The following MYH10 variants were observed in gnomAD, a reference collection of about 807,000 sequenced individuals.
MYH10 encodes the protein myosin-10.
Under a neutral mutation model 257.8 loss-of-function variants are expected in MYH10, and 55 were observed. The ratio of observed to expected loss-of-function variants is 0.21; its 90% CI spans 0.17 to 0.27. The LOEUF is 0.27. MYH10 is among the 10% of genes least tolerant of loss of function. MYH10 has a pLI of 1.00. For synonymous variants in MYH10, 854 were observed against 921.7 expected, an observed-to-expected ratio of 0.93 and a Z score of 1.33; for missense variants, 1,631 against 2,500.6, an observed-to-expected ratio of 0.65 and a Z score of 7.42.
Position 8,577,247 on chromosome 17 carries a change from G to A in MYH10, c.622C>T (p.His208Tyr), listed in dbSNP as rs2083531995. The change falls in exon 5 of 43, where the codon CAT becomes TAT. Residue 208 changes from histidine to tyrosine, a missense_variant. Transcript: ENST00000360416. ...VASSHKGRKD[H>Y]NIPQESPKPV... ...GAGCAGAAACTTACAGGAATATTAT[G>A]GTCCTTTCTTCCTTTATGTGAAGAA... 2.5e-6 allele frequency: 4 copies of A among 1,605,496 alleles called. No individual in the cohort carries two copies. Among genetic ancestry groups the A allele is most frequent in the Non-Finnish European group, 3.4e-6 (4 of 1,173,528 alleles).
intron 7 of MYH10, among the ~76,000 whole-genome samples, chr17:8,567,734 G>A (rs2083208542): frequency 6.6e-6 from 1 of 152,128 alleles, no homozygotes. Context: ...GAATCAGCAA[G>A]AGAACTAACA....
At chr17:8,556,912 A>G (rs552385049) in intron 7 of MYH10, among the ~76,000 whole-genome samples, 1 of 152,344 alleles carries the variant, frequency 6.6e-6, no homozygotes, top group African/African-American at 2.4e-5. Flanking sequence ...ATTCTATAAC[A>G]TAATAATAAT....
rs1347075795 is a variant in MYH10, at chr17:8,546,899, A to G, written c.1160-237T>C. ...TAGTCAGCATTTGACTGCCTTGCCTATTTATTCATTTTTTTAGAGGCAGGT... is the reference window on the plus strand; with the variant it reads ...TAGTCAGCATTTGACTGCCTTGCCTGTTTATTCATTTTTTTAGAGGCAGGT... On this transcript the variant is annotated intron_variant, in intron 11 of 42. Coordinates refer to ENST00000360416, the MANE Select transcript of MYH10 (RefSeq NM_001256012.3). Among the ~76,000 whole-genome samples, 3 of 152,096 alleles carry G rather than the reference A, an allele frequency of 2.0e-5. 1 individual carries two copies. Among genetic ancestry groups the G allele is most frequent in the Non-Finnish European group, 4.4e-5 (3 of 68,026 alleles).
At position 8,552,910 on chromosome 17, in the gene MYH10, G is replaced by A. The variant is rs1232568930; in HGVS notation, c.821-766C>T. ...ATTTCAGACCACTGCACACCCAGCTGTGTATCTTATCTGGGGCTCAGATCC... is the reference window on the plus strand; with the variant it reads ...ATTTCAGACCACTGCACACCCAGCTATGTATCTTATCTGGGGCTCAGATCC... On this transcript the variant is annotated intron_variant, in intron 8 of 42. Coordinates refer to ENST00000360416, the MANE Select transcript of MYH10 (RefSeq NM_001256012.3). The surrounding 1 kb of genome is among the most constrained non-coding windows in gnomAD (Gnocchi z 4.8). 6.6e-6 allele frequency among the ~76,000 whole-genome samples: 1 copy of A among 152,212 alleles called. No homozygotes were observed. Among genetic ancestry groups the A allele is most frequent in the East Asian group, 1.9e-4 (1 of 5,198 alleles).
chr17:8,576,759 G>A, intron 5 of MYH10, 87 bp from the exon 6 acceptor site: 1 of 1,309,802 alleles, frequency 7.6e-7, no homozygotes, highest in Non-Finnish European at 1.1e-6. Context: ...CCAAGCCAAT[G>A]TGCAGTTGAG....
chr17:8,569,445 A>C lies in MYH10; in HGVS notation c.756+275T>G, dbSNP rs941795021. On this transcript the variant is annotated intron_variant, in intron 7 of 42. Coordinates refer to ENST00000360416, the MANE Select transcript of MYH10 (RefSeq NM_001256012.3). This position sits in a 1 kb window ranked among gnomAD's most constrained non-coding sequence, Gnocchi z 4.1. ...TATCATGCCCAATCAAAGATAAATA[A>C]GCTCAGAGAGGTTAAATTACATATC... Among the ~76,000 whole-genome samples the C allele has an allele frequency of 6.6e-6, 1 of 152,214 alleles. No individual in the cohort carries two copies. Among genetic ancestry groups the C allele is most frequent in the South Asian group, 2.1e-4 (1 of 4,834 alleles).
chr17:8,624,926 A>C (rs1415528435), intron 1 of MYH10, among the ~76,000 whole-genome samples: 2 of 152,100 alleles, frequency 1.3e-5, no homozygotes, highest in African/African-American at 2.4e-5. Flanking sequence ...GTGTTGGTGC[A>C]TATCTAGCCC....
intron 3 of MYH10, among the ~76,000 whole-genome samples, chr17:8,602,676 A>G (rs766908320): frequency 2.6e-5 from 4 of 152,206 alleles, no homozygotes; most frequent in Admixed American, 6.5e-5. Context: ...TCATCAACTA[A>G]TTCCTTTTAA....
At chr17:8,509,762 T>C (rs888333030) in intron 25 of MYH10, 50 bp downstream of exon 25, 1 of 1,535,774 alleles carries the variant, frequency 6.5e-7, no homozygotes, top group Non-Finnish European at 8.8e-7. Context: ...TAATATTATA[T>C]AAATATTTTC....
At chr17:8,500,346 T>C (rs1162946937) in intron 29 of MYH10, among the ~76,000 whole-genome samples, 3 of 152,040 alleles carry the variant, frequency 2.0e-5, no homozygotes, top group Non-Finnish European at 4.4e-5. Context: ...GTGTCTGAGA[T>C]ACAGAAGCGG....
intron 2 of MYH10, among the ~76,000 whole-genome samples, chr17:8,613,833 G>A (rs532478329): frequency 1.4e-4 from 22 of 151,906 alleles, no homozygotes; most frequent in African/African-American, 5.3e-4. Context: ...TATTTTAAAG[G>A]CACAGGCACA....
Position 8,614,052 on chromosome 17 carries a change from C to T in MYH10, c.345+8850G>A, listed in dbSNP as rs1220547909. ...CGTGATAATAGCTTCAGCATGTACA[C>T]AGCAAAAATGGACAGAACTAAAAAG... On this transcript the variant is annotated intron_variant, in intron 2 of 42. Coordinates refer to ENST00000360416, the MANE Select transcript of MYH10 (RefSeq NM_001256012.3). 2.6e-5 allele frequency among the ~76,000 whole-genome samples: 4 copies of T among 152,184 alleles called. No homozygotes were observed. The South Asian group carries it at 8.3e-4, about 32-fold the overall frequency.
chr17:8,531,787 C>T (rs1298271672), intron 16 of MYH10, among the ~76,000 whole-genome samples: 2 of 152,130 alleles, frequency 1.3e-5, no homozygotes, highest in Non-Finnish European at 2.9e-5. Context: ...TATTCATGTT[C>T]AACTTGTCGT....
chr17:8,479,232 GA>G (rs1190071825), intron 40 of MYH10, among the ~76,000 whole-genome samples: 2 of 146,124 alleles, frequency 1.4e-5, no homozygotes, highest in Non-Finnish European at 3.0e-5. Context: ...AGCTCACATT[GA>G]AAAAAAACCC....
At chr17:8,602,601 T>C (rs908784219) in intron 3 of MYH10, among the ~76,000 whole-genome samples, 3 of 152,214 alleles carry the variant, frequency 2.0e-5, no homozygotes, top group African/African-American at 7.2e-5. Context: ...CAAAGGGAAA[T>C]TGTTTAGAGT....
At chr17:8,512,120 C>T (rs567404280) in intron 24 of MYH10, among the ~76,000 whole-genome samples, 2 of 152,328 alleles carry the variant, frequency 1.3e-5, no homozygotes, top group African/African-American at 4.8e-5. Flanking sequence ...GAGTGAGCAA[C>T]AGAATCACTG....
In MYH10 at chr17:8,623,080, T is replaced by C. The variant is rs538632736; in HGVS notation, c.167A>G (p.Asp56Gly). The C allele has an allele frequency of 6.2e-7, 1 of 1,614,102 alleles. No individual in the cohort carries two copies. Among genetic ancestry groups the C allele is most frequent in the Non-Finnish European group, 8.5e-7 (1 of 1,180,028 alleles). ...CTCTGCCAACTCCACCATAACTTCA[T>C]CTCCCCGTTCTTCTTTGATACTAGC... ...EAASIKEERG[D>G]EVMVELAENG... Residue 56 changes from aspartate to glycine, a missense_variant, in exon 2 of 43, where the codon GAT becomes GGT. Asp to Gly is a moderately conservative substitution (Grantham distance 94, BLOSUM62 -1). This residue lies in a region of MYH10 where 360 missense variants were observed against 581.9 expected (regional missense o/e 0.62). Transcript: ENST00000360416.
chr17:8,499,142 A>T, intron 30 of MYH10, 128 bp downstream of exon 30: 1 of 791,130 alleles, frequency 1.3e-6, no homozygotes, highest in Non-Finnish European at 2.0e-6. Flanking sequence ...CGATGTATTT[A>T]CTGGATAGCA....
intron 24 of MYH10, 113 bp downstream of exon 24, chr17:8,512,338 G>A: frequency 1.3e-6 from 1 of 797,288 alleles, no homozygotes; most frequent in South Asian, 1.9e-5. Context: ...TCATAACCCA[G>A]AACCCTTTTG....
Sources: gnomAD v4.1 joint callset for allele counts (sites outside exome capture counted in the v4.1 genomes callset) on GRCh38, gnomAD v4.1.1 for gene constraint, gnomAD v4.1.1 regional missense constraint, Gnocchi (gnomAD v3.1) non-coding constraint, MANE v1.5 for transcripts, NCBI Gene and HGNC (gene_info 2026-07-23, HGNC 2026-07-21) for gene names.